Variants in CEP112 observed in about 807,000 individuals in gnomAD.
CEP112 encodes the protein centrosomal protein 112, also known as centrosomal protein of 112 kDa.
CEP112 carries 127 observed loss-of-function variants against 153.0 expected under a neutral mutation model. The observed-to-expected ratio is 0.83, with a 90% CI of 0.72 to 0.96. The LOEUF is 0.96. Ranked by LOEUF, CEP112 falls within the 40% of genes least tolerant of loss-of-function variation. The pLI is 0.00. For synonymous variants in CEP112, 358 were observed against 374.4 expected, an observed-to-expected ratio of 0.96 and a Z score of 0.51; for missense variants, 1,089 against 1,101.2, an observed-to-expected ratio of 0.99 and a Z score of 0.16.
In CEP112 at chr17:66,091,148, A is replaced by G. The variant is rs375499659; in HGVS notation, c.768+5103T>C. Among the ~76,000 whole-genome samples the G allele has an allele frequency of 2.3e-4, 35 of 152,250 alleles. No individual in the cohort carries two copies. The East Asian group carries it at 3.9e-3, about 17-fold the overall frequency. ...TTACCCAGAAAGAAAATTAATAAGGAAACATCAGATTTGGTCTATTCTTTA... is the reference window on the plus strand; with the variant it reads ...TTACCCAGAAAGAAAATTAATAAGGGAACATCAGATTTGGTCTATTCTTTA... On this transcript the variant is annotated intron_variant, in intron 8 of 26. Coordinates refer to ENST00000535342, the MANE Select transcript of CEP112 (RefSeq NM_001199165.4).
intron 21 of CEP112, among the ~76,000 whole-genome samples, chr17:65,778,966 C>T (rs1340428209): frequency 1.3e-5 from 2 of 151,700 alleles, no homozygotes; most frequent in Non-Finnish European, 2.9e-5. Flanking sequence ...CACCACTATA[C>T]TTCACCCTGG....
chr17:65,921,907 A>G (rs2144081591), intron 19 of CEP112, among the ~76,000 whole-genome samples: 1 of 152,310 alleles, frequency 6.6e-6, no homozygotes. Flanking sequence ...TTTACATTAA[A>G]AAAGTGAAAC....
At chr17:65,821,294 G>C (rs1158302599) in intron 21 of CEP112, among the ~76,000 whole-genome samples, 2 of 150,336 alleles carry the variant, frequency 1.3e-5, no homozygotes, top group African/African-American at 4.9e-5. Flanking sequence ...TTTCAGGCTT[G>C]TTTATATTAT....
chr17:66,008,641 G>C (rs2064376201), intron 16 of CEP112, among the ~76,000 whole-genome samples: 1 of 152,076 alleles, frequency 6.6e-6, no homozygotes, highest in Non-Finnish European at 1.5e-5. Context: ...ATTCTGACCA[G>C]CCTAAACTAA....
intron 23 of CEP112, among the ~76,000 whole-genome samples, chr17:65,702,858 T>C (rs1324937753): frequency 6.6e-6 from 1 of 152,118 alleles, no homozygotes; most frequent in Non-Finnish European, 1.5e-5. Context: ...CCATCAGATC[T>C]TGTGAGACTT....
In CEP112 at chr17:65,927,856, T is replaced by C. The variant is rs1298341309; in HGVS notation, c.1873-167A>G. Among the ~76,000 whole-genome samples the C allele has an allele frequency of 2.6e-5, 4 of 152,274 alleles. No individual in the cohort carries two copies. In the East Asian group the frequency reaches 7.7e-4, roughly 29 times the overall value. On this transcript the variant is annotated intron_variant, in intron 18 of 26. Transcript: ENST00000535342. ...AGACATTTATCAATTCATTTTAATA[T>C]ATTTTAATTATTTAAGGAGGGAAAT... is the stretch of plus-strand genomic sequence containing the variant.
At chr17:65,832,280 AAGACTT>A (rs1487480523) in intron 21 of CEP112, among the ~76,000 whole-genome samples, 1 of 152,196 alleles carries the variant, frequency 6.6e-6, no homozygotes, top group Non-Finnish European at 1.5e-5. Flanking sequence ...TCACAACTGA[AAGACTT>A]AGAGAAGCAA....
intron 20 of CEP112, among the ~76,000 whole-genome samples, chr17:65,878,482 C>G (rs2058926024): frequency 6.6e-6 from 1 of 152,046 alleles, no homozygotes; most frequent in South Asian, 2.1e-4. Context: ...ATGTACAAAA[C>G]AAAGCCAACC....
intron 21 of CEP112, among the ~76,000 whole-genome samples, chr17:65,802,909 C>G (rs2055366308): frequency 1.3e-5 from 2 of 152,182 alleles, no homozygotes; most frequent in Admixed American, 6.5e-5. Flanking sequence ...TCAAGGAGCT[C>G]TCATCTCTTG....
At chr17:66,000,370 T>C (rs1448198933) in intron 17 of CEP112, among the ~76,000 whole-genome samples, 1 of 150,084 alleles carries the variant, frequency 6.7e-6, no homozygotes, top group African/African-American at 2.5e-5. Flanking sequence ...GTTAAGAAAG[T>C]GTTTGTGGTT....
intron 6 of CEP112, among the ~76,000 whole-genome samples, chr17:66,125,544 C>A (rs922523319): frequency 9.9e-5 from 15 of 151,630 alleles, no homozygotes; most frequent in East Asian, 5.8e-4. Flanking sequence ...AGAAAATGGG[C>A]AGGTTTCTAA....
chr17:65,729,305 C>T (rs953992155), intron 23 of CEP112, among the ~76,000 whole-genome samples: 1 of 152,176 alleles, frequency 6.6e-6, no homozygotes, highest in African/African-American at 2.4e-5. Context: ...TATGGGACTA[C>T]CATCATCTAT....
intron 17 of CEP112, among the ~76,000 whole-genome samples, chr17:65,973,274 A>C (rs1421650880): frequency 6.6e-6 from 1 of 152,258 alleles, no homozygotes; most frequent in African/African-American, 2.4e-5. Flanking sequence ...CATCAAAATT[A>C]AAAACACCTG....
chr17:66,070,024 G>T (rs771264172), intron 8 of CEP112, 23 bp from the exon 9 acceptor site: 29 of 1,439,218 alleles, frequency 2.0e-5, no homozygotes, highest in Admixed American at 3.6e-5. Flanking sequence ...TATTTCAAGG[G>T]TGTTATTAAT....
chr17:66,154,321 C>T (rs927314235), intron 4 of CEP112, among the ~76,000 whole-genome samples: 11 of 151,970 alleles, frequency 7.2e-5, no homozygotes, highest in Admixed American at 5.9e-4. Flanking sequence ...TCAAGACTAG[C>T]CTGGTTAACA....
Position 66,029,860 on chromosome 17 carries a change from A to C in CEP112, c.1373+9T>G. The C allele has an allele frequency of 6.2e-7, 1 of 1,610,774 alleles. No individual in the cohort carries two copies. On this transcript the variant is annotated intron_variant, in intron 13 of 26. Coordinates refer to ENST00000535342, the MANE Select transcript of CEP112 (RefSeq NM_001199165.4). ...CTACACCTGATAAATATCTGATTTC[A>C]GACAATACCTTGCCTTTACTTCTTG...
At chr17:65,679,450 A>G (rs2047407072) in intron 24 of CEP112, among the ~76,000 whole-genome samples, 1 of 152,210 alleles carries the variant, frequency 6.6e-6, no homozygotes, top group Non-Finnish European at 1.5e-5. Flanking sequence ...TCCTGTTTTC[A>G]TAACGTGCTT....
At chr17:66,069,171 G>A (rs139160239) in intron 9 of CEP112, among the ~76,000 whole-genome samples, 1 of 151,828 alleles carries the variant, frequency 6.6e-6, no homozygotes. Context: ...TCTGTCTCTA[G>A]TACTCAGTTT....
intron 23 of CEP112, among the ~76,000 whole-genome samples, chr17:65,695,989 A>G (rs2144508815): frequency 6.6e-6 from 1 of 152,382 alleles, no homozygotes; most frequent in Non-Finnish European, 1.5e-5. Context: ...TTTATGAGAC[A>G]TCTGGAAAAA....
Sources: gnomAD v4.1 joint callset for allele counts (sites outside exome capture counted in the v4.1 genomes callset) on GRCh38, gnomAD v4.1.1 for gene constraint, MANE v1.5 for transcripts, NCBI Gene and HGNC (gene_info 2026-07-23, HGNC 2026-07-21) for gene names.